Variants in BORCS5 observed in about 807,000 individuals in gnomAD.
BORCS5 encodes the protein BLOC-1 related complex subunit 5.
BORCS5 carries 17 observed loss-of-function variants against 22.1 expected under a neutral mutation model. That is an observed-to-expected ratio of 0.77 (90% CI 0.53 to 1.15). The LOEUF (loss-of-function observed/expected upper bound fraction) is 1.15. Ranked by LOEUF, BORCS5 falls within the 50% of genes most tolerant of loss-of-function variation. The pLI, the probability that BORCS5 is intolerant of heterozygous loss-of-function variation, is 0.00. For missense variants in BORCS5, 247 were observed against 253.2 expected (o/e 0.98, Z 0.17); for synonymous variants, 117 against 99.8 (o/e 1.17, Z -1.03).
At chr12:12,377,195 C>G (rs1000877875) in intron 2 of BORCS5, among the ~76,000 whole-genome samples, 3 of 139,710 alleles carry the variant, frequency 2.1e-5, no homozygotes, top group Non-Finnish European at 4.6e-5. Flanking sequence ...TTTTTTTTCT[C>G]GAGACGGAGT....
chr12:12,359,671 T>TAAAA (rs56798094), intron 1 of BORCS5, among the ~76,000 whole-genome samples: 1 of 138,122 alleles, frequency 7.2e-6, no homozygotes, highest in Non-Finnish European at 1.6e-5. Flanking sequence ...CGCCTTGACT[T>TAAAA]AAAAAAAAAA....
intron 3 of BORCS5, among the ~76,000 whole-genome samples, chr12:12,460,484 C>A (rs77977190): frequency 0.065 from 9,966 of 152,244 alleles, 472 homozygotes; most frequent in East Asian, 0.2. Context: ...TTGCCTTTTA[C>A]TTAATTTATT....
At position 12,441,237 on chromosome 12, in the gene BORCS5, T is replaced by G. The variant is rs77074029; in HGVS notation, c.360+5452T>G. Among the ~76,000 whole-genome samples the G allele has an allele frequency of 1.9e-3, 283 of 152,330 alleles. 1 individual carries two copies. Among genetic ancestry groups the G allele is most frequent in the African/African-American group, 6.5e-3 (272 of 41,572 alleles). On this transcript the variant is annotated intron_variant, in intron 3 of 3. Coordinates refer to ENST00000314565, the MANE Select transcript of BORCS5 (RefSeq NM_058169.6). ...TGACTGGGTACAGTAATGAGTGCCA[T>G]TAGGCATTGAGGGCTCAGCTGAGGC...
intron 3 of BORCS5, among the ~76,000 whole-genome samples, chr12:12,438,374 A>AAAAAAAAAAAAAAAAAAAAAAAAAAAAAC (rs1555156024): frequency 8.0e-6 from 1 of 125,064 alleles, no homozygotes; most frequent in Non-Finnish European, 1.6e-5. Flanking sequence ...AAAAAAAAAA[A>AAAAAAAAAAAAAAAAAAAAAAAAAAAAAC]AAAAAACGAA....
At chr12:12,387,334 T>C (rs1045439192) in intron 2 of BORCS5, among the ~76,000 whole-genome samples, 5 of 151,718 alleles carry the variant, frequency 3.3e-5, no homozygotes, top group African/African-American at 1.2e-4. Context: ...TTACAATATA[T>C]GACAGAATTG....
intron 2 of BORCS5, among the ~76,000 whole-genome samples, chr12:12,406,938 T>C (rs1163794740): frequency 6.6e-6 from 1 of 152,150 alleles, no homozygotes; most frequent in Non-Finnish European, 1.5e-5. Flanking sequence ...TTTCAACAAG[T>C]GGAGAGCACC....
intron 2 of BORCS5, among the ~76,000 whole-genome samples, chr12:12,390,744 C>T (rs748408255): frequency 8.6e-5 from 13 of 151,346 alleles, no homozygotes; most frequent in Non-Finnish European, 1.8e-4. Context: ...TATGACTGCA[C>T]CACTGCACAG....
intron 3 of BORCS5, 181 bp downstream of exon 3, chr12:12,435,966 C>T (rs1592126107): frequency 3.6e-6 from 2 of 555,170 alleles, no homozygotes; most frequent in East Asian, 6.6e-5. Context: ...AGTTTGAATT[C>T]TGATCACCAC....
intron 2 of BORCS5, among the ~76,000 whole-genome samples, chr12:12,409,175 A>G (rs977128832): frequency 6.6e-6 from 1 of 151,614 alleles, no homozygotes; most frequent in Non-Finnish European, 1.5e-5. Context: ...GCCCTTCCCT[A>G]ATGATTAGGG....
chr12:12,383,675 T>G (rs1313058963), intron 2 of BORCS5, among the ~76,000 whole-genome samples: 1 of 151,078 alleles, frequency 6.6e-6, no homozygotes, highest in Non-Finnish European at 1.5e-5. Flanking sequence ...CCCAGCACTT[T>G]ATATATGCCA....
chr12:12,357,348 T>G lies in BORCS5; in HGVS notation c.-104T>G, dbSNP rs765018095. The G allele has an allele frequency of 4.4e-4, 652 of 1,498,464 alleles. 1 individual carries two copies. The highest frequency in any genetic ancestry group is 5.5e-4 in the Non-Finnish European group (613 of 1,117,446). The allele number at this position is 1,498,464 out of a possible 1,614,324, so 92.8% of individuals were successfully genotyped here. ...TAGCCTCGCTGCGGCGCCCAGACTC[T>G]GCTTTGCCTCCCCGTCCCGGTCCCT... On this transcript the variant is annotated 5_prime_UTR_variant, in exon 1 of 4. Coordinates refer to ENST00000314565, the MANE Select transcript of BORCS5 (RefSeq NM_058169.6).
intron 2 of BORCS5, among the ~76,000 whole-genome samples, chr12:12,370,712 A>C (rs2136028162): frequency 6.6e-6 from 1 of 152,046 alleles, no homozygotes; most frequent in Non-Finnish European, 1.5e-5. Flanking sequence ...AAAATGTTCC[A>C]AAATTGGCCA....
intron 2 of BORCS5, 128 bp downstream of exon 2, chr12:12,361,477 C>A (rs1322065332): frequency 1.0e-6 from 1 of 1,002,832 alleles, no homozygotes; most frequent in East Asian, 2.4e-5. Context: ...ATGGCATCTT[C>A]TCAGTGAAGC....
rs1943151206 is a variant in BORCS5, at chr12:12,463,717, G to A, written c.361-1829G>A. On this transcript the variant is annotated intron_variant, in intron 3 of 3. Transcript: ENST00000314565. ...CAAAAGCTTTGGAGACATTAAACAC[G>A]GGCCCCAGCTGGATGTGGAAACATG... Among the ~76,000 whole-genome samples, 4 of 152,156 alleles carry A rather than the reference G, an allele frequency of 2.6e-5. 1 individual carries two copies. The highest frequency in any genetic ancestry group is 4.1e-4 in the South Asian group (2 of 4,834).
At chr12:12,430,805 A>G (rs1039026945) in intron 2 of BORCS5, among the ~76,000 whole-genome samples, 11 of 151,800 alleles carry the variant, frequency 7.2e-5, no homozygotes, top group Non-Finnish European at 5.9e-5. Flanking sequence ...TTGCACCCCA[A>G]CCCCCATTTT....
intron 2 of BORCS5, among the ~76,000 whole-genome samples, chr12:12,391,668 G>A (rs1011361542): frequency 1.5e-4 from 22 of 151,180 alleles, no homozygotes; most frequent in South Asian, 4.2e-4. Context: ...GATTGCAGAC[G>A]TGAGCCACCA....
intron 3 of BORCS5, among the ~76,000 whole-genome samples, chr12:12,444,920 T>C (rs1190498963): frequency 1.3e-5 from 2 of 152,324 alleles, no homozygotes; most frequent in East Asian, 1.9e-4. Context: ...ATGCTGAGGA[T>C]AGCTAATGAG....
intron 2 of BORCS5, among the ~76,000 whole-genome samples, chr12:12,429,780 C>A (rs1942375026): frequency 6.6e-6 from 1 of 152,204 alleles, no homozygotes; most frequent in Non-Finnish European, 1.5e-5. Context: ...GCTTCAGCCA[C>A]CTGGCAGCTT....
At chr12:12,364,882 A>T (rs11612892) in intron 2 of BORCS5, among the ~76,000 whole-genome samples, 1 of 151,966 alleles carries the variant, frequency 6.6e-6, no homozygotes, top group Non-Finnish European at 1.5e-5. Context: ...TGGGAGTATC[A>T]CTTGAGCCCT....
Sources: gnomAD v4.1 joint callset for allele counts (sites outside exome capture counted in the v4.1 genomes callset) on GRCh38, gnomAD v4.1.1 for gene constraint, MANE v1.5 for transcripts, NCBI Gene and HGNC (gene_info 2026-07-23, HGNC 2026-07-21) for gene names.